The following SLC8A2 variants were observed in gnomAD, a reference collection of about 807,000 sequenced individuals.
The protein encoded by SLC8A2 is solute carrier family 8 member A2, also known as sodium/calcium exchanger 2.
In SLC8A2, 14 loss-of-function variants were observed where a neutral mutation model predicts 70.2. The ratio of observed to expected loss-of-function variants is 0.20; its 90% CI spans 0.13 to 0.31. SLC8A2 has a LOEUF of 0.31. Ranked by LOEUF, SLC8A2 falls within the 10% of genes least tolerant of loss-of-function variation. The pLI, the probability that SLC8A2 is intolerant of heterozygous loss-of-function variation, is 1.00. For synonymous variants in SLC8A2, 575 were observed against 594.3 expected (o/e 0.97, Z 0.47); for missense variants, 779 against 1,320.1 (o/e 0.59, Z 6.35).
intron 4 of SLC8A2, among the ~76,000 whole-genome samples, chr19:47,442,136 G>A (rs1239234849): frequency 6.6e-6 from 1 of 152,024 alleles, no homozygotes; most frequent in African/African-American, 2.4e-5. Context: ...AAGCAAAGCG[G>A]TATGAGCTCA....
intron 4 of SLC8A2, among the ~76,000 whole-genome samples, chr19:47,445,396 A>C (rs1011126569): frequency 1.3e-5 from 2 of 152,134 alleles, no homozygotes; most frequent in African/African-American, 4.8e-5. Context: ...GGCATGAGCC[A>C]CCGTGCCCGA....
At chr19:47,433,367 C>T (rs1966987569) in intron 8 of SLC8A2, among the ~76,000 whole-genome samples, 1 of 152,122 alleles carries the variant, frequency 6.6e-6, no homozygotes, top group South Asian at 2.1e-4. Flanking sequence ...CTAGCAACAG[C>T]TATGGCCTCA....
At chr19:47,431,680 ACAAAAC>A (rs1966964421) in intron 9 of SLC8A2, among the ~76,000 whole-genome samples, 3 of 37,762 alleles carry the variant, frequency 7.9e-5, no homozygotes, top group East Asian at 1.2e-3. Context: ...AAAAAAAAAA[ACAAAAC>A]CCAAAAAAAC....
chr19:47,428,091 G>C lies in SLC8A2; in HGVS notation c.*1998C>G, dbSNP rs1314862069. 1 of 152,190 alleles carries C rather than the reference G, an allele frequency of 6.6e-6. No homozygotes were observed. Among genetic ancestry groups the C allele is most frequent in the Non-Finnish European group, 1.5e-5 (1 of 68,042 alleles). 9.4% of individuals were successfully genotyped at this position (152,190 alleles called of 1,614,324 possible). A position where few individuals can be genotyped will look rare whatever the true frequency, so the allele number is the denominator to read the frequency against. On this transcript the variant is annotated 3_prime_UTR_variant, in exon 10 of 10. Transcript: ENST00000236877. ...AGCTCTTTGGCTCAGGCAAATGAACGTCTCTCTTTTGTGTTCCCAGGATGC... is the reference window on the plus strand; with the variant it reads ...AGCTCTTTGGCTCAGGCAAATGAACCTCTCTCTTTTGTGTTCCCAGGATGC...
chr19:47,439,968 A>G (rs2122620709), intron 6 of SLC8A2, among the ~76,000 whole-genome samples: 1 of 152,264 alleles, frequency 6.6e-6, no homozygotes, highest in Middle Eastern at 3.4e-3. Context: ...CCAGTAAAGA[A>G]ATAACTTTTA....
At chr19:47,439,279 G>T (rs1301019824) in intron 6 of SLC8A2, among the ~76,000 whole-genome samples, 1 of 152,146 alleles carries the variant, frequency 6.6e-6, no homozygotes, top group Non-Finnish European at 1.5e-5. Flanking sequence ...TGTAATCCCA[G>T]CACTTTAGGA....
At chr19:47,458,415 T>A (rs1448629359) in intron 2 of SLC8A2, among the ~76,000 whole-genome samples, 3 of 144,652 alleles carry the variant, frequency 2.1e-5, no homozygotes, top group Admixed American at 7.0e-5. Flanking sequence ...CCTTTCCCCA[T>A]CTCTCTCCCC....
Position 47,428,553 on chromosome 19 carries a change from C to G in SLC8A2, c.*1536G>C, listed in dbSNP as rs1267501039. On this transcript the variant is annotated 3_prime_UTR_variant, in exon 10 of 10. Coordinates refer to ENST00000236877, the MANE Select transcript of SLC8A2 (RefSeq NM_015063.3). ...GCTATATGTGGGTGTGTCCCGCAGA[C>G]GACCGCGGGCCGCAAAAACCCAGAT... The G allele has an allele frequency of 6.6e-6, 1 of 152,494 alleles. No individual in the cohort carries two copies. The highest frequency in any genetic ancestry group is 1.5e-5 in the Non-Finnish European group (1 of 68,038). The allele number at this position is 152,494 out of a possible 1,614,324, so 9.4% of individuals were successfully genotyped here.
At chr19:47,470,670 G>GC (rs1967524036) in intron 1 of SLC8A2, among the ~76,000 whole-genome samples, 1 of 152,188 alleles carries the variant, frequency 6.6e-6, no homozygotes, top group Non-Finnish European at 1.5e-5. Context: ...TGGACAAACA[G>GC]CAAGAGGTAT....
chr19:47,431,850 G>T (rs908734393), intron 9 of SLC8A2, among the ~76,000 whole-genome samples: 1 of 151,720 alleles, frequency 6.6e-6, no homozygotes, highest in East Asian at 1.9e-4. Context: ...GTCTTCCTAG[G>T]AACCCCTCTC....
chr19:47,430,369 C>A lies in SLC8A2; in HGVS notation c.2486G>T (p.Gly829Val), dbSNP rs2122607987. 2 of 1,611,844 alleles carry A rather than the reference C, an allele frequency of 1.2e-6. No individual in the cohort carries two copies. Among genetic ancestry groups the A allele is most frequent in the African/African-American group, 1.3e-5 (1 of 75,054 alleles). Residue 829 changes from glycine (G) to valine (V), a missense_variant, in exon 10 of 10, where the codon GGC (glycine) becomes GTC (valine). Physicochemically the swap from Gly to Val is moderately radical, Grantham distance 109. Around this residue, in one of 6 missense-constraint regions of SLC8A2, gnomAD observed 108 missense variants for 269.6 expected, o/e 0.40. Transcript: ENST00000236877. The surrounding 1 kb of genome is among the most constrained non-coding windows in gnomAD (Gnocchi z 5.9). ...GGCCACAGACCAGGCGACGCCCAGG[C>A]CAAGGAACACGTTCACCGCGTTGGA... ...TGSNAVNVFL[G>V]LGVAWSVAAV...
intron 3 of SLC8A2, among the ~76,000 whole-genome samples, chr19:47,451,033 C>T (rs547361116): frequency 4.1e-4 from 44 of 107,978 alleles, no homozygotes; most frequent in African/African-American, 1.6e-3. Context: ...TTTTTTGAGA[C>T]GGAGTCACCC....
chr19:47,461,122 G>A (rs1393082063), intron 2 of SLC8A2, among the ~76,000 whole-genome samples: 1 of 151,808 alleles, frequency 6.6e-6, no homozygotes, highest in Non-Finnish European at 1.5e-5. Flanking sequence ...CCCGGGAGGC[G>A]GAGGTTGCAG....
intron 2 of SLC8A2, 146 bp from the exon 3 acceptor site, chr19:47,457,740 TG>T (rs1967327355): frequency 1.9e-5 from 8 of 420,236 alleles, no homozygotes; most frequent in African/African-American, 4.2e-5. Flanking sequence ...TATCCCTTTC[TG>T]TTTCTTTTCT....
chr19:47,447,303 C>A lies in SLC8A2; in HGVS notation c.1763+506G>T, dbSNP rs118035787. On this transcript the variant is annotated intron_variant, in intron 4 of 9. Transcript: ENST00000236877. The surrounding 1 kb of genome is among the most constrained non-coding windows in gnomAD (Gnocchi z 5.1). ...GCGTCTCATCTCCACAAGCCTCTCC[C>A]CACATCTCCCTGGGTACTCTTCAGC... 0.018 allele frequency: 2,931 copies of A among 161,286 alleles called. 39 individuals carry two copies. The highest frequency in any genetic ancestry group is 0.026 in the Non-Finnish European group (1,923 of 74,110). The allele number at this position is 161,286 out of a possible 1,614,324, so 10.0% of individuals were successfully genotyped here. A position where few individuals can be genotyped will look rare whatever the true frequency, so the allele number is the denominator to read the frequency against.
At chr19:47,462,840 G>A (rs1967412699) in intron 2 of SLC8A2, among the ~76,000 whole-genome samples, 1 of 150,662 alleles carries the variant, frequency 6.6e-6, no homozygotes, top group African/African-American at 2.4e-5. Context: ...CATCCACTTC[G>A]ACCTCCCAAA....
rs1967486391 is a variant in SLC8A2 at position 47,468,055 on chromosome 19, C to A, written c.-16-1636G>T. On this transcript the variant is annotated intron_variant, in intron 1 of 9. Coordinates refer to ENST00000236877, the MANE Select transcript of SLC8A2 (RefSeq NM_015063.3). The surrounding 1 kb of genome is among the most constrained non-coding windows in gnomAD (Gnocchi z 5.1). ...AAGCCCACAAATCAGCTTGCCTCAT[C>A]CCCCTACTGTTCAGAACCCCCGCCA... Among the ~76,000 whole-genome samples the A allele has an allele frequency of 6.6e-6, 1 of 151,492 alleles. No homozygotes were observed. The highest frequency in any genetic ancestry group is 2.1e-4 in the South Asian group (1 of 4,794).
chr19:47,466,411 G>T lies in SLC8A2; in HGVS notation c.-8C>A. On this transcript the variant is annotated 5_prime_UTR_variant, in exon 2 of 10. Transcript: ENST00000236877. This position sits in a 1 kb window ranked among gnomAD's most constrained non-coding sequence, Gnocchi z 6.9. ...CAAGGCCAGGGGAGCCATGGGGGGT[G>T]GTGGGGTCCTATGGGGGAGGAGGAG... is the stretch of plus-strand genomic sequence containing the variant. 7.6e-7 allele frequency: 1 copy of T among 1,311,344 alleles called. No homozygotes were observed. Among genetic ancestry groups the T allele is most frequent in the South Asian group, 1.5e-5 (1 of 65,460 alleles). The allele number at this position is 1,311,344 out of a possible 1,614,324, so 81.2% of individuals were successfully genotyped here. A position where few individuals can be genotyped will look rare whatever the true frequency, so the allele number is the denominator to read the frequency against.
At chr19:47,436,475 T>C (rs1967030520) in intron 8 of SLC8A2, among the ~76,000 whole-genome samples, 1 of 152,246 alleles carries the variant, frequency 6.6e-6, no homozygotes, top group Non-Finnish European at 1.5e-5. Context: ...ACTTTGTTTC[T>C]ACTGGGCAAA....
Sources: gnomAD v4.1 joint callset for allele counts (sites outside exome capture counted in the v4.1 genomes callset) on GRCh38, gnomAD v4.1.1 for gene constraint, gnomAD v4.1.1 regional missense constraint, Gnocchi (gnomAD v3.1) non-coding constraint, MANE v1.5 for transcripts, NCBI Gene and HGNC (gene_info 2026-07-23, HGNC 2026-07-21) for gene names.